Variants in SNCAIP observed in about 807,000 individuals in gnomAD.
SNCAIP encodes synuclein alpha interacting protein, also known as synphilin-1.
Under a neutral mutation model 86.7 loss-of-function variants are expected in SNCAIP, and 43 were observed. The ratio of observed to expected loss-of-function variants is 0.50; its 90% CI spans 0.39 to 0.64. The LOEUF (loss-of-function observed/expected upper bound fraction) is 0.64, where lower values mean the gene tolerates loss of function less well. Ranked by LOEUF, SNCAIP falls within the 30% of genes least tolerant of loss-of-function variation. The pLI is 0.00. For missense variants in SNCAIP, 981 were observed against 1,103.1 expected, an observed-to-expected ratio of 0.89 and a Z score of 1.57; for synonymous variants, 417 against 427.2, an observed-to-expected ratio of 0.98 and a Z score of 0.29.
At chr5:122,386,616 A>G (rs1186238283) in intron 1 of SNCAIP, among the ~76,000 whole-genome samples, 2 of 152,186 alleles carry the variant, frequency 1.3e-5, no homozygotes, top group African/African-American at 4.8e-5. Flanking sequence ...GGGCACATCC[A>G]AAGAAGGGAG....
At chr5:122,453,487 G>A (rs747786881) in intron 10 of SNCAIP, among the ~76,000 whole-genome samples, 2 of 152,120 alleles carry the variant, frequency 1.3e-5, no homozygotes, top group Non-Finnish European at 2.9e-5. Context: ...CTCTGTGTTA[G>A]CATTATGAAC....
At position 122,332,310 on chromosome 5, in the gene SNCAIP, A is replaced by G. The variant is rs191776515; in HGVS notation, c.-47+20026A>G. On this transcript the variant is annotated intron_variant, in intron 1 of 10. Transcript: ENST00000261368. ...TACAAAAATTTTTATAAAGACTTCT[A>G]TTTACACATGGTGGAGTAAAGGTAC... Among the ~76,000 whole-genome samples, 621 of 152,340 alleles carry G rather than the reference A, an allele frequency of 4.1e-3. 2 individuals are homozygous for G. The highest frequency in any genetic ancestry group is 6.8e-3 in the Middle Eastern group (2 of 294).
In SNCAIP at chr5:122,332,724, T is replaced by G. The variant is rs1322274327; in HGVS notation, c.-47+20440T>G. On this transcript the variant is annotated intron_variant, in intron 1 of 10. Coordinates refer to ENST00000261368, the MANE Select transcript of SNCAIP (RefSeq NM_005460.4). Reference sequence around the variant, plus strand: ...GATGCCATTTTAATTTTCCTTTCCCTAGCCTGCTGGCTGAGGGATCTTGGT... The same window carrying G: ...GATGCCATTTTAATTTTCCTTTCCCGAGCCTGCTGGCTGAGGGATCTTGGT... Among the ~76,000 whole-genome samples the G allele has an allele frequency of 2.0e-5, 3 of 152,326 alleles. No homozygotes were observed. In the East Asian group the frequency reaches 5.8e-4, roughly 29 times the overall value.
At position 122,385,408 on chromosome 5, in the gene SNCAIP, A is replaced by G. The variant is rs192510830; in HGVS notation, c.-46-5681A>G. On this transcript the variant is annotated intron_variant, in intron 1 of 10. Coordinates refer to ENST00000261368, the MANE Select transcript of SNCAIP (RefSeq NM_005460.4). The stretch of plus-strand genomic sequence containing the variant: ...TCTATCATTTTTCTGCTTCAAGATG[A>G]GGCATTTACTGACTGCCATGCTTCT... Among the ~76,000 whole-genome samples the G allele has an allele frequency of 7.6e-3, 1,155 of 152,242 alleles. 5 individuals are homozygous for G. The highest frequency in any genetic ancestry group is 0.01 in the Non-Finnish European group (683 of 68,028).
intron 1 of SNCAIP, among the ~76,000 whole-genome samples, chr5:122,390,296 T>C (rs1561648229): frequency 1.3e-5 from 2 of 152,180 alleles, no homozygotes; most frequent in African/African-American, 4.8e-5. Context: ...TCTTGACATC[T>C]GTAGGTGCCT....
At chr5:122,381,872 C>T (rs1766903162) in intron 1 of SNCAIP, among the ~76,000 whole-genome samples, 1 of 152,076 alleles carries the variant, frequency 6.6e-6, no homozygotes, top group South Asian at 2.1e-4. Context: ...TATTGGCCCC[C>T]ACTCTCTTCT....
chr5:122,348,639 T>C (rs116289427), intron 1 of SNCAIP, among the ~76,000 whole-genome samples: 118 of 152,230 alleles, frequency 7.8e-4, no homozygotes, highest in Non-Finnish European at 1.5e-3. Flanking sequence ...TGCCAAGAAA[T>C]TGATGTTGAA....
At chr5:122,351,564 A>AAAAAAAAAAAAAAAAAAC in intron 1 of SNCAIP, among the ~76,000 whole-genome samples, 1 of 144,564 alleles carries the variant, frequency 6.9e-6, no homozygotes, top group Non-Finnish European at 1.5e-5. Flanking sequence ...AAAAAAAAAA[A>AAAAAAAAAAAAAAAAAAC]AAGAACTAAT....
intron 1 of SNCAIP, among the ~76,000 whole-genome samples, chr5:122,317,723 G>A (rs116060596): frequency 3.3e-5 from 5 of 152,118 alleles, no homozygotes; most frequent in African/African-American, 9.7e-5. Flanking sequence ...GATGCTGTGC[G>A]TGCAGAAACA....
chr5:122,333,473 T>C (rs527763510), intron 1 of SNCAIP, among the ~76,000 whole-genome samples: 1 of 152,340 alleles, frequency 6.6e-6, no homozygotes, highest in Admixed American at 6.5e-5. Context: ...TCTAGTCCTT[T>C]GTACCTCACA....
chr5:122,442,208 C>T, intron 7 of SNCAIP, among the ~76,000 whole-genome samples: 1 of 145,638 alleles, frequency 6.9e-6, no homozygotes, highest in East Asian at 2.0e-4. Flanking sequence ...TTACTGAGGC[C>T]CTCCTGGGTG....
At chr5:122,362,036 A>G (rs1680603098) in intron 1 of SNCAIP, among the ~76,000 whole-genome samples, 1 of 152,216 alleles carries the variant, frequency 6.6e-6, no homozygotes. Context: ...CCTAATCATC[A>G]CTGATTTGCC....
At position 122,412,046 on chromosome 5, in the gene SNCAIP, G is replaced by A. The variant is rs372496268; in HGVS notation, c.130+8181G>A. On this transcript the variant is annotated intron_variant, in intron 3 of 10. Transcript: ENST00000261368. ...TTCTCTTGGACCAGCAGGCTTCCTCGCACGCCTCCTGCCTGCCAGTCACGT... is the reference window on the plus strand; with the variant it reads ...TTCTCTTGGACCAGCAGGCTTCCTCACACGCCTCCTGCCTGCCAGTCACGT... Among the ~76,000 whole-genome samples the A allele has an allele frequency of 9.2e-5, 14 of 152,114 alleles. No homozygotes were observed. The East Asian group carries it at 1.2e-3, about 13-fold the overall frequency.
At chr5:122,341,911 T>G (rs1467154925) in intron 1 of SNCAIP, among the ~76,000 whole-genome samples, 1 of 152,166 alleles carries the variant, frequency 6.6e-6, no homozygotes, top group East Asian at 1.9e-4. Flanking sequence ...ATCCACTTCT[T>G]GATTATGTCA....
intron 7 of SNCAIP, chr5:122,444,338 C>A: frequency 1.7e-6 from 1 of 594,858 alleles, no homozygotes; most frequent in East Asian, 3.2e-5. Context: ...TGGACAGCCT[C>A]CTCCTCTCCT....
chr5:122,392,997 T>C (rs534671833), intron 2 of SNCAIP, among the ~76,000 whole-genome samples: 31 of 152,156 alleles, frequency 2.0e-4, no homozygotes, highest in Non-Finnish European at 4.3e-4. Flanking sequence ...TTTTGATGAA[T>C]TGGGAATCTC....
chr5:122,418,572 CT>C (rs1775761129), intron 3 of SNCAIP, among the ~76,000 whole-genome samples: 1 of 152,122 alleles, frequency 6.6e-6, no homozygotes, highest in Admixed American at 6.5e-5. Flanking sequence ...TTATGAACGT[CT>C]CTGAGCCTGA....
At chr5:122,321,018 G>T (rs893964498) in intron 1 of SNCAIP, among the ~76,000 whole-genome samples, 1 of 152,048 alleles carries the variant, frequency 6.6e-6, no homozygotes, top group African/African-American at 2.4e-5. Flanking sequence ...CTTGCCCTGA[G>T]ACCGCCTCCC....
chr5:122,445,973 A>G (rs1359998772), intron 8 of SNCAIP, among the ~76,000 whole-genome samples: 1 of 152,036 alleles, frequency 6.6e-6, no homozygotes, highest in Non-Finnish European at 1.5e-5. Flanking sequence ...AGACTTCTAG[A>G]AAAAATAAAT....
Sources: gnomAD v4.1 joint callset for allele counts (sites outside exome capture counted in the v4.1 genomes callset) on GRCh38, gnomAD v4.1.1 for gene constraint, MANE v1.5 for transcripts, NCBI Gene and HGNC (gene_info 2026-07-23, HGNC 2026-07-21) for gene names.